The following ST7 variants were observed in gnomAD, a reference collection of about 807,000 sequenced individuals.
ST7 encodes the protein suppression of tumorigenicity 7, also known as suppressor of tumorigenicity 7 protein.
A neutral mutation model predicts 78.7 loss-of-function variants in ST7; 28 were observed. That is an observed-to-expected ratio of 0.36 (90% confidence interval 0.26 to 0.49). The LOEUF (loss-of-function observed/expected upper bound fraction) is 0.49. Ranked by LOEUF, ST7 falls within the 20% of genes least tolerant of loss-of-function variation. The probability of loss-of-function intolerance (pLI) is 0.99; values close to 1 mark genes in which losing one functional copy is unlikely to be tolerated. For synonymous variants in ST7, 247 were observed against 249.6 expected (o/e 0.99, Z 0.10); for missense variants, 418 against 696.0 (o/e 0.60, Z 4.49).
intron 1 of ST7, among the ~76,000 whole-genome samples, chr7:117,082,143 G>T (rs1799831930): frequency 6.6e-6 from 1 of 152,070 alleles, no homozygotes; most frequent in African/African-American, 2.4e-5. Flanking sequence ...TAAAGTCAAT[G>T]GATTGTGTAT....
chr7:117,115,155 C>T (rs6466600), intron 2 of ST7, among the ~76,000 whole-genome samples: 57 of 152,230 alleles, frequency 3.7e-4, no homozygotes, highest in Admixed American at 7.8e-4. Flanking sequence ...CCATCCCCAC[C>T]TCCCTTATTC....
chr7:117,040,393 C>T (rs558763664), intron 1 of ST7, among the ~76,000 whole-genome samples: 1 of 152,002 alleles, frequency 6.6e-6, no homozygotes, highest in South Asian at 2.1e-4. Context: ...GAGTTAGAAA[C>T]ATTCACTAAA....
chr7:116,953,830 C>T, intron 1 of ST7, 139 bp downstream of exon 1: 2 of 480,514 alleles, frequency 4.2e-6, no homozygotes, highest in Non-Finnish European at 5.4e-6. Context: ...GGCTACCCGC[C>T]AGCAACGCGG....
chr7:117,217,178 A>T lies in ST7; in HGVS notation c.1406-1906A>T, dbSNP rs2285571. On this transcript the variant is annotated intron_variant, in intron 13 of 15. Coordinates refer to ENST00000323984, the MANE Select transcript of ST7 (RefSeq NM_001369598.1). ...AATTTTGAATAAAATTTAGCATTCA[A>T]ATTTATAGCCACTTTGAAAACTGAG... Among the ~76,000 whole-genome samples, 7 of 152,232 alleles carry T rather than the reference A, an allele frequency of 4.6e-5. No individual in the cohort carries two copies. In the East Asian group the frequency reaches 1.4e-3, roughly 29 times the overall value.
chr7:117,142,969 G>A (rs1805451944), intron 9 of ST7, among the ~76,000 whole-genome samples: 1 of 152,134 alleles, frequency 6.6e-6, no homozygotes, highest in Non-Finnish European at 1.5e-5. Flanking sequence ...TAGTGTGGGT[G>A]TAAGCCTCTG....
chr7:116,998,380 C>T (rs1197044284), intron 1 of ST7, among the ~76,000 whole-genome samples: 1 of 152,224 alleles, frequency 6.6e-6, no homozygotes, highest in Admixed American at 6.5e-5. Flanking sequence ...GCACCTCTCC[C>T]TCCACACCTC....
intron 1 of ST7, among the ~76,000 whole-genome samples, chr7:116,974,740 T>TA (rs1318486676): frequency 3.9e-5 from 6 of 152,186 alleles, no homozygotes; most frequent in Admixed American, 3.9e-4. Context: ...GGAGTGCAAA[T>TA]GTCTGTTTAC....
At chr7:117,016,228 A>G (rs1240742273) in intron 1 of ST7, among the ~76,000 whole-genome samples, 1 of 152,234 alleles carries the variant, frequency 6.6e-6, no homozygotes, top group Admixed American at 6.5e-5. Context: ...TTTTCCTCAT[A>G]AGATTAGCAT....
At chr7:117,210,133 T>G (rs889593042) in intron 13 of ST7, among the ~76,000 whole-genome samples, 196 bp downstream of exon 13, 16 of 152,202 alleles carry the variant, frequency 1.1e-4, no homozygotes, top group Non-Finnish European at 1.6e-4. Flanking sequence ...TGAGGCTGTT[T>G]CCACAGCTCA....
intron 1 of ST7, among the ~76,000 whole-genome samples, chr7:117,011,430 G>A (rs1795379500): frequency 6.6e-6 from 1 of 152,156 alleles, no homozygotes; most frequent in Non-Finnish European, 1.5e-5. Context: ...TTGGTTTAAA[G>A]TAGAGTCCAA....
chr7:116,998,408 C>T (rs1018885980), intron 1 of ST7, among the ~76,000 whole-genome samples: 1 of 152,218 alleles, frequency 6.6e-6, no homozygotes, highest in Admixed American at 6.5e-5. Flanking sequence ...GCCGAGGGAG[C>T]TGGCTCCGGC....
chr7:117,200,421 G>A (rs576343405), intron 12 of ST7, among the ~76,000 whole-genome samples: 24 of 152,268 alleles, frequency 1.6e-4, no homozygotes, highest in African/African-American at 4.6e-4. Context: ...GCCAGTACCC[G>A]TTCCTTAGCA....
intron 1 of ST7, among the ~76,000 whole-genome samples, chr7:117,070,797 C>T (rs1019750629): frequency 1.3e-5 from 2 of 152,036 alleles, no homozygotes; most frequent in African/African-American, 4.8e-5. Context: ...CCCGCCTCGG[C>T]CTCCCAAAGT....
At chr7:117,016,154 A>G (rs1293809866) in intron 1 of ST7, among the ~76,000 whole-genome samples, 1 of 152,192 alleles carries the variant, frequency 6.6e-6, no homozygotes, top group Non-Finnish European at 1.5e-5. Context: ...TTAGTATTCT[A>G]TGTTAGGGTT....
chr7:117,166,484 T>C (rs1807565279), intron 9 of ST7, among the ~76,000 whole-genome samples: 1 of 152,086 alleles, frequency 6.6e-6, no homozygotes, highest in Non-Finnish European at 1.5e-5. Context: ...AATAATGTTG[T>C]GATAAACAGC....
intron 1 of ST7, among the ~76,000 whole-genome samples, chr7:117,038,629 G>T (rs1563032969): frequency 6.6e-6 from 1 of 152,180 alleles, no homozygotes; most frequent in African/African-American, 2.4e-5. Context: ...GCTTAGTACA[G>T]TGCTCCACAT....
At position 117,035,415 on chromosome 7, in the gene ST7, C is replaced by T. The variant is rs1796834874; in HGVS notation, c.152-64347C>T. Among the ~76,000 whole-genome samples the T allele has an allele frequency of 2.0e-5, 3 of 152,002 alleles. No homozygotes were observed. The South Asian group carries it at 6.2e-4, about 32-fold the overall frequency. On this transcript the variant is annotated intron_variant, in intron 1 of 15. Coordinates refer to ENST00000323984, the MANE Select transcript of ST7 (RefSeq NM_001369598.1). Reference sequence around the variant, plus strand: ...GACTGTTTCAAATGAATGGAAGAAACATTTTCTATTTTTAATTTTTTTGAG... The same window carrying T: ...GACTGTTTCAAATGAATGGAAGAAATATTTTCTATTTTTAATTTTTTTGAG...
chr7:117,056,923 G>A (rs567198517), intron 1 of ST7, among the ~76,000 whole-genome samples: 3 of 152,248 alleles, frequency 2.0e-5, no homozygotes, highest in South Asian at 2.1e-4. Context: ...ACATTTATAA[G>A]AGATTCCTTT....
At chr7:117,205,993 A>G (rs1275897919) in intron 12 of ST7, among the ~76,000 whole-genome samples, 1 of 152,204 alleles carries the variant, frequency 6.6e-6, no homozygotes, top group East Asian at 1.9e-4. Context: ...TTCTCTTGAC[A>G]AGTAAGATGT....
Sources: gnomAD v4.1 joint callset for allele counts (sites outside exome capture counted in the v4.1 genomes callset) on GRCh38, gnomAD v4.1.1 for gene constraint, MANE v1.5 for transcripts, NCBI Gene and HGNC (gene_info 2026-07-23, HGNC 2026-07-21) for gene names.